Variants in KIF13A observed in about 807,000 individuals in gnomAD.
KIF13A encodes kinesin family member 13A.
In KIF13A, 79 loss-of-function variants were observed where a neutral mutation model predicts 212.2. That is an observed-to-expected ratio of 0.37 (90% CI 0.31 to 0.45). The LOEUF is 0.45. KIF13A is among the 20% of genes least tolerant of loss of function. The pLI is 1.00. For synonymous variants in KIF13A, 789 were observed against 808.6 expected, an observed-to-expected ratio of 0.98 and a Z score of 0.41; for missense variants, 1,901 against 2,209.0, an observed-to-expected ratio of 0.86 and a Z score of 2.79.
chr6:17,855,680 C>T lies in KIF13A; in HGVS notation c.314-63G>A. Reference sequence around the variant, plus strand: ...AGGGAGCAAAATGCAATGCTTCAACCATACAAGGTTTCCCCATATACTGGC... The same window carrying T: ...AGGGAGCAAAATGCAATGCTTCAACTATACAAGGTTTCCCCATATACTGGC... On this transcript the variant is annotated intron_variant, in intron 5 of 38. Coordinates refer to ENST00000259711, the MANE Select transcript of KIF13A (RefSeq NM_022113.6). This position sits in a 1 kb window ranked among gnomAD's most constrained non-coding sequence, Gnocchi z 4.1. 1 of 1,320,492 alleles carries T rather than the reference C, an allele frequency of 7.6e-7. No homozygotes were observed. Among genetic ancestry groups the T allele is most frequent in the East Asian group, 2.4e-5 (1 of 40,998 alleles). The allele number at this position is 1,320,492 out of a possible 1,614,324, so 81.8% of individuals were successfully genotyped here. A position where few individuals can be genotyped will look rare whatever the true frequency, so the allele number is the denominator to read the frequency against.
chr6:17,836,783 T>C, intron 11 of KIF13A, 95 bp downstream of exon 11: 1 of 1,070,374 alleles, frequency 9.3e-7, no homozygotes, highest in South Asian at 1.4e-5. Context: ...CGAAACCATA[T>C]CAGATGACCT....
At chr6:17,866,292 G>A (rs1172092973) in intron 4 of KIF13A, among the ~76,000 whole-genome samples, 1 of 152,096 alleles carries the variant, frequency 6.6e-6, no homozygotes, top group Non-Finnish European at 1.5e-5. Flanking sequence ...GGATCCTAGA[G>A]AACTTCTGAC....
At chr6:17,784,163 T>C (rs1760845328) in intron 28 of KIF13A, among the ~76,000 whole-genome samples, 1 of 152,214 alleles carries the variant, frequency 6.6e-6, no homozygotes, top group Non-Finnish European at 1.5e-5. Context: ...CTCATGCCTG[T>C]AATCCCAGCA....
Position 17,785,778 on chromosome 6 carries a change from G to T in KIF13A, c.3362-137C>A. 1.1e-6 allele frequency: 1 copy of T among 889,604 alleles called. No homozygotes were observed. The highest frequency in any genetic ancestry group is 1.7e-6 in the Non-Finnish European group (1 of 581,568). 55.1% of individuals were successfully genotyped at this position (889,604 alleles called of 1,614,324 possible). The stretch of plus-strand genomic sequence containing the variant: ...AAAAAAAAAAATAGTTGGGCAGGGT[G>T]GTGGTACGCATGCCTGTAGTCCCAG... On this transcript the variant is annotated intron_variant, in intron 27 of 38. Transcript: ENST00000259711. The surrounding 1 kb of genome is among the most constrained non-coding windows in gnomAD (Gnocchi z 5.8).
chr6:17,938,894 T>G (rs1233720014), intron 2 of KIF13A, among the ~76,000 whole-genome samples: 1 of 152,018 alleles, frequency 6.6e-6, no homozygotes, highest in Non-Finnish European at 1.5e-5. Context: ...TTTTTATGTA[T>G]TCATTCTACA....
In KIF13A at chr6:17,785,828, G is replaced by A. The variant is rs1761014027; in HGVS notation, c.3362-187C>T. Among the ~76,000 whole-genome samples, 1 of 151,980 alleles carries A rather than the reference G, an allele frequency of 6.6e-6. No homozygotes were observed. The highest frequency in any genetic ancestry group is 2.4e-5 in the African/African-American group (1 of 41,382). The stretch of plus-strand genomic sequence containing the variant: ...GATACTCAGGCAGCTGAGGTGGGAA[G>A]ATCACTTGAGCCTGGGAGTTCAAGG... On this transcript the variant is annotated intron_variant, in intron 27 of 38. Coordinates refer to ENST00000259711, the MANE Select transcript of KIF13A (RefSeq NM_022113.6). The surrounding 1 kb of genome is among the most constrained non-coding windows in gnomAD (Gnocchi z 5.8).
chr6:17,859,946 T>G lies in KIF13A; in HGVS notation c.221-3824A>C, dbSNP rs560316338. On this transcript the variant is annotated intron_variant, in intron 4 of 38. Coordinates refer to ENST00000259711, the MANE Select transcript of KIF13A (RefSeq NM_022113.6). ...TTATTGAATCCTCACAATACCCAGGTAGAGTAGGTATGAATTATGACTGAT... is the reference window on the plus strand; with the variant it reads ...TTATTGAATCCTCACAATACCCAGGGAGAGTAGGTATGAATTATGACTGAT... Among the ~76,000 whole-genome samples the G allele has an allele frequency of 7.9e-5, 12 of 152,064 alleles. 2 individuals carry two copies. The East Asian group carries it at 2.1e-3, about 27-fold the overall frequency.
At position 17,984,599 on chromosome 6, in the gene KIF13A, T is replaced by TC. The variant is rs201391439; in HGVS notation, c.146+2454dup. On this transcript the variant is annotated intron_variant, in intron 2 of 38. Coordinates refer to ENST00000259711, the MANE Select transcript of KIF13A (RefSeq NM_022113.6). The surrounding 1 kb of genome is among the most constrained non-coding windows in gnomAD (Gnocchi z 5.0). ...TGACCCCATCTGTTTTTTTTTTTTT[T>TC]CCCTGGACGTCAATGCATTCTCACT... The TC allele has an allele frequency of 6.6e-4, 596 of 906,590 alleles. No homozygotes were observed. Among genetic ancestry groups the TC allele is most frequent in the Non-Finnish European group, 7.2e-4 (549 of 758,092 alleles). 56.2% of individuals were successfully genotyped at this position (906,590 alleles called of 1,614,324 possible). A position where few individuals can be genotyped will look rare whatever the true frequency, so the allele number is the denominator to read the frequency against.
chr6:17,809,032 G>C lies in KIF13A; in HGVS notation c.2001-102C>G, dbSNP rs1763213611. 3 of 1,107,696 alleles carry C rather than the reference G, an allele frequency of 2.7e-6. No homozygotes were observed. Among genetic ancestry groups the C allele is most frequent in the Non-Finnish European group, 3.7e-6 (3 of 802,666 alleles). The allele number at this position is 1,107,696 out of a possible 1,614,324, so 68.6% of individuals were successfully genotyped here. A position where few individuals can be genotyped will look rare whatever the true frequency, so the allele number is the denominator to read the frequency against. On this transcript the variant is annotated intron_variant, in intron 17 of 38. Coordinates refer to ENST00000259711, the MANE Select transcript of KIF13A (RefSeq NM_022113.6). The surrounding 1 kb of genome is among the most constrained non-coding windows in gnomAD (Gnocchi z 4.7). Reference sequence around the variant, plus strand: ...GAAAATGGGAGAAAACTCCTCTCGGGCAGTATTTTTCAAACTATTTTACCA... The same window carrying C: ...GAAAATGGGAGAAAACTCCTCTCGGCCAGTATTTTTCAAACTATTTTACCA...
intron 19 of KIF13A, 75 bp downstream of exon 19, chr6:17,805,400 T>C: frequency 2.6e-6 from 2 of 775,362 alleles, no homozygotes; most frequent in Non-Finnish European, 2.1e-6. Flanking sequence ...TGTGTGTGTG[T>C]GTGTGTGTTG....
Position 17,816,765 on chromosome 6 carries a change from C to T in KIF13A, c.2000+255G>A, listed in dbSNP as rs1437601387. On this transcript the variant is annotated intron_variant, in intron 17 of 38. Transcript: ENST00000259711. This position sits in a 1 kb window ranked among gnomAD's most constrained non-coding sequence, Gnocchi z 4.3. Reference sequence around the variant, plus strand: ...AAATTTCAATACATACCTGTCTAACCCTTGCAACTTGGCACCATTTTTATT... The same window carrying T: ...AAATTTCAATACATACCTGTCTAACTCTTGCAACTTGGCACCATTTTTATT... Among the ~76,000 whole-genome samples the T allele has an allele frequency of 6.6e-6, 1 of 152,110 alleles. No individual in the cohort carries two copies. The highest frequency in any genetic ancestry group is 1.9e-4 in the East Asian group (1 of 5,194).
chr6:17,770,922 A>C, intron 38 of KIF13A, 192 bp downstream of exon 38: 1 of 530,280 alleles, frequency 1.9e-6, no homozygotes, highest in East Asian at 3.3e-5. Flanking sequence ...AAAAATAAAT[A>C]AATAAATAAG....
Position 17,773,783 on chromosome 6 carries a change from C to G in KIF13A, c.4219-200G>C, listed in dbSNP as rs561434629. ...ATCCAAGGTATACCCGGAGTGAATA[C>G]ATGTTAATATTTTATTATATTTGCT... On this transcript the variant is annotated intron_variant, in intron 35 of 38. Coordinates refer to ENST00000259711, the MANE Select transcript of KIF13A (RefSeq NM_022113.6). The surrounding 1 kb of genome is among the most constrained non-coding windows in gnomAD (Gnocchi z 4.2). Among the ~76,000 whole-genome samples the G allele has an allele frequency of 1.3e-4, 20 of 152,194 alleles. No individual in the cohort carries two copies. Among genetic ancestry groups the G allele is most frequent in the African/African-American group, 4.8e-4 (20 of 41,516 alleles).
At chr6:17,840,276 TC>T (rs1354244138) in intron 9 of KIF13A, among the ~76,000 whole-genome samples, 1 of 152,116 alleles carries the variant, frequency 6.6e-6, no homozygotes, top group Non-Finnish European at 1.5e-5. Context: ...GTCCAATCAC[TC>T]CTCCAAAGGT....
intron 13 of KIF13A, 79 bp downstream of exon 13, chr6:17,831,022 C>G: frequency 7.3e-7 from 1 of 1,375,692 alleles, no homozygotes; most frequent in Non-Finnish European, 1.0e-6. Context: ...AGCAACATCA[C>G]AGAGACAGGC....
chr6:17,924,186 G>C (rs890382685), intron 2 of KIF13A, among the ~76,000 whole-genome samples: 1 of 152,134 alleles, frequency 6.6e-6, no homozygotes. Context: ...TTCTAAGCAT[G>C]TATTTCAGAA....
intron 9 of KIF13A, among the ~76,000 whole-genome samples, chr6:17,842,000 C>CGTGTGTGTGTGT (rs56396263): frequency 4.2e-5 from 6 of 143,712 alleles, no homozygotes; most frequent in Admixed American, 7.1e-5. Context: ...TATACACATA[C>CGTGTGTGTGTGT]GTGTGTGTGT....
chr6:17,902,121 A>T (rs1773103739), intron 2 of KIF13A, among the ~76,000 whole-genome samples: 1 of 152,188 alleles, frequency 6.6e-6, no homozygotes, highest in African/African-American at 2.4e-5. Flanking sequence ...TTTGTTCAGT[A>T]AATATCTAGT....
At chr6:17,761,670 A>G (rs1284000445), downstream of KIF13A, among the ~76,000 whole-genome samples, 1 of 152,164 alleles carries the variant, frequency 6.6e-6, no homozygotes, top group East Asian at 1.9e-4. Flanking sequence ...GGTGTGAGCC[A>G]CTGCGCTCCG....
Sources: allele counts gnomAD v4.1 joint callset (sites outside exome capture counted in the v4.1 genomes callset), GRCh38; gene constraint gnomAD v4.1.1; non-coding constraint Gnocchi (gnomAD v3.1); transcripts MANE v1.5; gene names NCBI Gene and HGNC (gene_info 2026-07-23, HGNC 2026-07-21).